Variants in ARHGDIA observed in about 807,000 individuals in gnomAD.
The protein encoded by ARHGDIA is rho GDP-dissociation inhibitor 1.
In ARHGDIA, 9 loss-of-function variants were observed where a neutral mutation model predicts 25.0. That is an observed-to-expected ratio of 0.36 (90% CI 0.22 to 0.63). The LOEUF is 0.63. Ranked by LOEUF, ARHGDIA falls within the 20% of genes least tolerant of loss-of-function variation. The pLI is 0.69. For missense variants in ARHGDIA, 239 were observed against 264.3 expected, an observed-to-expected ratio of 0.90 and a Z score of 0.66; for synonymous variants, 166 against 111.5, an observed-to-expected ratio of 1.49 and a Z score of -3.08.
intron 1 of ARHGDIA, 49 bp from the exon 2 acceptor site, chr17:81,870,006 C>G (rs1347056999): frequency 6.4e-7 from 1 of 1,559,384 alleles, no homozygotes. Flanking sequence ...CCAACGGAGG[C>G]GCACTTCTGA....
Position 81,869,616 on chromosome 17 carries a change from A to T in ARHGDIA, c.200T>A (p.Val67Asp). 6.6e-7 allele frequency: 1 copy of T among 1,516,352 alleles called. No homozygotes were observed. Among genetic ancestry groups the T allele is most frequent in the South Asian group, 1.3e-5 (1 of 76,530 alleles). 93.9% of individuals were successfully genotyped at this position (1,516,352 alleles called of 1,614,324 possible). A position where few individuals can be genotyped will look rare whatever the true frequency, so the allele number is the denominator to read the frequency against. Reference protein sequence around the residue: ...GRVAVSADPNVPNVVVTGLTL... With the variant: ...GRVAVSADPNDPNVVVTGLTL... ...CAGGCCAGTCACCACGACGTTGGGG[A>T]CGTTGGGGTCTGGGGAGTGACAGCA... The change falls in exon 3 of 6, where the codon GTC becomes GAC. Residue 67 changes from valine (V) to aspartate (D), a missense_variant. By Grantham distance (152) the Val-to-Asp change is radical. Coordinates refer to ENST00000269321, the MANE Select transcript of ARHGDIA (RefSeq NM_004309.6).
At position 81,868,783 on chromosome 17, in the gene ARHGDIA, G is replaced by A; in HGVS notation, c.*93C>T. On this transcript the variant is annotated 3_prime_UTR_variant, in exon 6 of 6. Coordinates refer to ENST00000269321, the MANE Select transcript of ARHGDIA (RefSeq NM_004309.6). ...TGGGAGGGGCACGGAGGGCCTGTCA[G>A]CACTTTGGTATGGGGAGGGGAGGGG... 7.8e-7 allele frequency: 1 copy of A among 1,275,412 alleles called. No homozygotes were observed. Among genetic ancestry groups the A allele is most frequent in the Non-Finnish European group, 1.1e-6 (1 of 930,182 alleles). The allele number at this position is 1,275,412 out of a possible 1,614,324, so 79.0% of individuals were successfully genotyped here.
chr17:81,868,724 C>A lies in ARHGDIA; in HGVS notation c.*152G>T, dbSNP rs955720841. 1 of 1,532,192 alleles carries A rather than the reference C, an allele frequency of 6.5e-7. No homozygotes were observed. The highest frequency in any genetic ancestry group is 8.7e-7 in the Non-Finnish European group (1 of 1,145,162). The allele number at this position is 1,532,192 out of a possible 1,614,324, so 94.9% of individuals were successfully genotyped here. A position where few individuals can be genotyped will look rare whatever the true frequency, so the allele number is the denominator to read the frequency against. On this transcript the variant is annotated 3_prime_UTR_variant, in exon 6 of 6. Coordinates refer to ENST00000269321, the MANE Select transcript of ARHGDIA (RefSeq NM_004309.6). Reference sequence around the variant, plus strand: ...GGGCTGAGGAGGGGGGTCGGAGGCACTCGGTTGAGCCAGGCCAGGGAGGCG... The same window carrying A: ...GGGCTGAGGAGGGGGGTCGGAGGCAATCGGTTGAGCCAGGCCAGGGAGGCG...
chr17:81,871,318 T>C lies in ARHGDIA; in HGVS notation c.-48A>G, dbSNP rs1478197498. ...CTCACCGGAGGGTTCGGCCGCGCGG[T>C]TCAGGATCCCTCCCGCACTAAATGA... On this transcript the variant is annotated 5_prime_UTR_variant, in exon 1 of 6. Transcript: ENST00000269321. 5 of 146,304 alleles carry C rather than the reference T, an allele frequency of 3.4e-5. No homozygotes were observed. The highest frequency in any genetic ancestry group is 6.8e-5 in the Admixed American group (1 of 14,766). 9.1% of individuals were successfully genotyped at this position (146,304 alleles called of 1,614,324 possible).
chr17:81,868,376 T>A lies in ARHGDIA; in HGVS notation c.*500A>T. 6.9e-7 allele frequency: 1 copy of A among 1,440,156 alleles called. No homozygotes were observed. The highest frequency in any genetic ancestry group is 9.1e-7 in the Non-Finnish European group (1 of 1,100,702). The allele number at this position is 1,440,156 out of a possible 1,614,324, so 89.2% of individuals were successfully genotyped here. ...GTACACTCCACATGTTAAGGCATCA[T>A]GGTTAGACGGGACCGACAGCGACAA... On this transcript the variant is annotated 3_prime_UTR_variant, in exon 6 of 6. Coordinates refer to ENST00000269321, the MANE Select transcript of ARHGDIA (RefSeq NM_004309.6).
At chr17:81,869,474 C>CCCCTGGCTGCACTTCCCGAGAT (rs1451929050) in intron 3 of ARHGDIA, 68 bp from the exon 4 acceptor site, 2 of 1,609,296 alleles carry the variant, frequency 1.2e-6, no homozygotes, top group African/African-American at 2.7e-5. Context: ...CCTGCGCGGC[C>CCCCTGGCTGCACTTCCCGAGAT]CCCTGGCTGC....
Position 81,868,637 on chromosome 17 carries a change from C to T in ARHGDIA, c.*239G>A, listed in dbSNP as rs1191795977. ...GCCTGGCTGCGGCCTCTCTCCCCCA[C>T]AGCACAGGCAGAAGCAGCAACGAGA... On this transcript the variant is annotated 3_prime_UTR_variant, in exon 6 of 6. Transcript: ENST00000269321. 4 of 1,535,336 alleles carry T rather than the reference C, an allele frequency of 2.6e-6. No individual in the cohort carries two copies. The highest frequency in any genetic ancestry group is 3.5e-6 in the Non-Finnish European group (4 of 1,146,776).
At position 81,868,212 on chromosome 17, in the gene ARHGDIA, G is replaced by A; in HGVS notation, c.*664C>T. On this transcript the variant is annotated 3_prime_UTR_variant, in exon 6 of 6. Coordinates refer to ENST00000269321, the MANE Select transcript of ARHGDIA (RefSeq NM_004309.6). Reference sequence around the variant, plus strand: ...CCCTGTCCAGGGAAGGGGGCAGGCTGGCCAGGCACTGGTGGGCTGGGGAGC... The same window carrying A: ...CCCTGTCCAGGGAAGGGGGCAGGCTAGCCAGGCACTGGTGGGCTGGGGAGC... 1 of 768,188 alleles carries A rather than the reference G, an allele frequency of 1.3e-6. No individual in the cohort carries two copies. 47.6% of individuals were successfully genotyped at this position (768,188 alleles called of 1,614,324 possible).
rs1309339998 is a variant in ARHGDIA at position 81,869,265 on chromosome 17, AGGTC to A, written c.352-33_352-30del. 5.0e-6 allele frequency: 8 copies of A among 1,614,060 alleles called. No individual in the cohort carries two copies. The South Asian group carries it at 8.8e-5, about 18-fold the overall frequency. On this transcript the variant is annotated intron_variant, in intron 4 of 5. Coordinates refer to ENST00000269321, the MANE Select transcript of ARHGDIA (RefSeq NM_004309.6). ...CAGGACCCGAAGCGAGGATCAGGGA[AGGTC>A]GGTCCGGACCCCAGCCCCAGCCCCG...
At chr17:81,871,247 C>CCCGACCCGCCGCCT (rs1340633734) in intron 1 of ARHGDIA, 51 bp downstream of exon 1, 2 of 149,670 alleles carry the variant, frequency 1.3e-5, no homozygotes, top group Non-Finnish European at 1.5e-5. Context: ...CGGTCCCCGC[C>CCCGACCCGCCGCCT]CCGACCCGCC....
At chr17:81,870,222 C>T in intron 1 of ARHGDIA, 1 of 435,254 alleles carries the variant, frequency 2.3e-6, no homozygotes, top group Non-Finnish European at 4.2e-6. Context: ...ATGGAGGAGG[C>T]AGCAGCCCCC....
Position 81,868,688 on chromosome 17 carries a change from T to C in ARHGDIA, c.*188A>G, listed in dbSNP as rs2039144549. ...CAGGAGACCGAGGAGGCTGGGCCTGTGGGTGGGGGAGGGCTGAGGAGGGGG... is the reference window on the plus strand; with the variant it reads ...CAGGAGACCGAGGAGGCTGGGCCTGCGGGTGGGGGAGGGCTGAGGAGGGGG... On this transcript the variant is annotated 3_prime_UTR_variant, in exon 6 of 6. Transcript: ENST00000269321. 1.3e-6 allele frequency: 2 copies of C among 1,519,312 alleles called. No individual in the cohort carries two copies. The highest frequency in any genetic ancestry group is 1.4e-5 in the African/African-American group (1 of 69,644). 94.1% of individuals were successfully genotyped at this position (1,519,312 alleles called of 1,614,324 possible).
In ARHGDIA at chr17:81,868,894, C is replaced by T. The variant is rs1598279951; in HGVS notation, c.597G>A (p.Lys199=). ...HLSWEWNLTI[K]KDWKD ...GCTGGGCTCAGTCCTTCCAGTCCTT[C>T]TTGATGGTGAGATTCCACTCCCAGG... Residue 199 remains lysine (K), a synonymous_variant, in exon 6 of 6, where the codon AAG becomes AAA. Transcript: ENST00000269321. 1.9e-6 allele frequency: 3 copies of T among 1,613,612 alleles called. No homozygotes were observed. Among genetic ancestry groups the T allele is most frequent in the Non-Finnish European group, 2.5e-6 (3 of 1,179,942 alleles).
chr17:81,868,270 C>T lies in ARHGDIA; in HGVS notation c.*606G>A. 1 of 1,255,382 alleles carries T rather than the reference C, an allele frequency of 8.0e-7. No homozygotes were observed. The highest frequency in any genetic ancestry group is 1.5e-5 in the African/African-American group (1 of 66,352). The allele number at this position is 1,255,382 out of a possible 1,614,324, so 77.8% of individuals were successfully genotyped here. ...GCACACCCCACGTGTCCCTGGGTCACTGGGTTCGCCACCGGGGAAGGGACG... is the reference window on the plus strand; with the variant it reads ...GCACACCCCACGTGTCCCTGGGTCATTGGGTTCGCCACCGGGGAAGGGACG... On this transcript the variant is annotated 3_prime_UTR_variant, in exon 6 of 6. Transcript: ENST00000269321.
At position 81,868,763 on chromosome 17, in the gene ARHGDIA, G is replaced by T; in HGVS notation, c.*113C>A. 6.5e-7 allele frequency: 1 copy of T among 1,545,120 alleles called. No homozygotes were observed. On this transcript the variant is annotated 3_prime_UTR_variant, in exon 6 of 6. Transcript: ENST00000269321. ...GCCAGGGAGGCGGACCAGGGTGGGA[G>T]GGGCACGGAGGGCCTGTCAGCACTT... is the stretch of plus-strand genomic sequence containing the variant.
chr17:81,870,687 G>C (rs2039266424), intron 1 of ARHGDIA: 1 of 152,362 alleles, frequency 6.6e-6, no homozygotes, highest in African/African-American at 2.4e-5. Flanking sequence ...TGGGAGGTGG[G>C]TCAGGGAGCA....
intron 1 of ARHGDIA, 98 bp downstream of exon 1, chr17:81,871,199 GC>G (rs1185670506): frequency 1.4e-5 from 2 of 147,354 alleles, no homozygotes; most frequent in Non-Finnish European, 3.0e-5. Flanking sequence ...AAAGGCGGAA[GC>G]CCCCACCTCA....
chr17:81,869,530 C>G lies in ARHGDIA; in HGVS notation c.274+12G>C. ...GGGGCCGCCCGGACCCCCGCGGCCGCAGGGCACTCACCCGTCAGGTCCAGC... is the reference window on the plus strand; with the variant it reads ...GGGGCCGCCCGGACCCCCGCGGCCGGAGGGCACTCACCCGTCAGGTCCAGC... On this transcript the variant is annotated intron_variant, in intron 3 of 5. Transcript: ENST00000269321. 1 of 1,599,064 alleles carries G rather than the reference C, an allele frequency of 6.3e-7. No individual in the cohort carries two copies. Among genetic ancestry groups the G allele is most frequent in the Non-Finnish European group, 8.5e-7 (1 of 1,173,154 alleles).
chr17:81,869,945 T>G lies in ARHGDIA; in HGVS notation c.-15A>C. 2 of 1,611,702 alleles carry G rather than the reference T, an allele frequency of 1.2e-6. No individual in the cohort carries two copies. The highest frequency in any genetic ancestry group is 1.7e-6 in the Non-Finnish European group (2 of 1,179,884). ...TGCTCAGCCATGCTCAAGCTTAGCC[T>G]GGGTCGGGACACCTGTGGGCGGGAC... is the stretch of plus-strand genomic sequence containing the variant. On this transcript the variant is annotated 5_prime_UTR_variant, in exon 2 of 6. Coordinates refer to ENST00000269321, the MANE Select transcript of ARHGDIA (RefSeq NM_004309.6).
Sources: gnomAD v4.1 joint callset for allele counts on GRCh38, gnomAD v4.1.1 for gene constraint, MANE v1.5 for transcripts, NCBI Gene and HGNC (gene_info 2026-07-23, HGNC 2026-07-21) for gene names.